Variants in SHISA9 observed in about 807,000 individuals in gnomAD.
SHISA9 encodes protein shisa-9.
A neutral mutation model predicts 38.0 loss-of-function variants in SHISA9; 13 were observed. That is an observed-to-expected ratio of 0.34 (90% CI 0.22 to 0.54). SHISA9 has a LOEUF of 0.54. Ranked by LOEUF, SHISA9 falls within the 20% of genes least tolerant of loss-of-function variation. The pLI is 0.91. For missense variants in SHISA9, 538 were observed against 575.8 expected (o/e 0.93, Z 0.67); for synonymous variants, 275 against 242.0 (o/e 1.14, Z -1.27).
chr16:12,909,738 T>C lies in SHISA9; in HGVS notation c.564-6950T>C, dbSNP rs188998375. On this transcript the variant is annotated intron_variant, in intron 1 of 4. Coordinates refer to ENST00000558583, the MANE Select transcript of SHISA9 (RefSeq NM_001145204.3). ...CCAGCCCATCACCCAGTCAGTGTTATTTGCTTCATTTTTACATTATGGTCT... is the reference window on the plus strand; with the variant it reads ...CCAGCCCATCACCCAGTCAGTGTTACTTGCTTCATTTTTACATTATGGTCT... 239 of 263,830 alleles carry C rather than the reference T, an allele frequency of 9.1e-4. 2 individuals are homozygous for C. The highest frequency in any genetic ancestry group is 5.3e-3 in the African/African-American group (231 of 43,572). 16.3% of individuals were successfully genotyped at this position (263,830 alleles called of 1,614,324 possible). A position where few individuals can be genotyped will look rare whatever the true frequency, so the allele number is the denominator to read the frequency against.
chr16:13,045,969 G>A (rs1444006846), intron 2 of SHISA9, among the ~76,000 whole-genome samples: 1 of 152,170 alleles, frequency 6.6e-6, no homozygotes, highest in East Asian at 1.9e-4. Flanking sequence ...GTTTAAATTT[G>A]TAACTCTCTC....
chr16:13,311,638 G>A, the SHISA9 span, among the ~76,000 whole-genome samples: 1 of 152,120 alleles, frequency 6.6e-6, no homozygotes, highest in Admixed American at 6.5e-5. Context: ...GAGCTGGGAT[G>A]ACATACAATG....
At chr16:13,469,359 A>AAAGG in the SHISA9 span, among the ~76,000 whole-genome samples, 1 of 56,380 alleles carries the variant, frequency 1.8e-5, no homozygotes, top group Non-Finnish European at 3.6e-5. Flanking sequence ...AGAAAGAAAG[A>AAAGG]AAAGAAAAAG....
chr16:12,906,953 A>G (rs547596946), intron 1 of SHISA9, among the ~76,000 whole-genome samples: 1 of 151,576 alleles, frequency 6.6e-6, no homozygotes, highest in East Asian at 2.0e-4. Flanking sequence ...ACTTAGATTG[A>G]ACAATTATTA....
chr16:13,073,038 G>A (rs528927679), intron 2 of SHISA9, among the ~76,000 whole-genome samples: 27 of 152,242 alleles, frequency 1.8e-4, no homozygotes, highest in Admixed American at 5.2e-4. Context: ...TGATCCTCCT[G>A]TCTTGGCCTT....
chr16:13,296,697 C>T, the SHISA9 span, among the ~76,000 whole-genome samples: 1 of 151,756 alleles, frequency 6.6e-6, no homozygotes, highest in Non-Finnish European at 1.5e-5. Flanking sequence ...TCAAGACCAG[C>T]CTGGCCAACA....
the SHISA9 span, among the ~76,000 whole-genome samples, chr16:13,367,388 A>G: frequency 6.7e-6 from 1 of 150,364 alleles, no homozygotes; most frequent in African/African-American, 2.5e-5. Context: ...CTTACCCTGT[A>G]TCAGTCACGT....
the SHISA9 span, among the ~76,000 whole-genome samples, chr16:13,528,039 C>T: frequency 6.6e-6 from 1 of 152,082 alleles, no homozygotes; most frequent in South Asian, 2.1e-4. Flanking sequence ...ATAAAGGATA[C>T]CAATATTTCA....
chr16:13,496,642 A>C, the SHISA9 span, among the ~76,000 whole-genome samples: 1 of 152,088 alleles, frequency 6.6e-6, no homozygotes, highest in Admixed American at 6.5e-5. Context: ...AATGAGCTGG[A>C]AAAAAATTGG....
chr16:13,181,665 T>C (rs907003744), intron 2 of SHISA9, among the ~76,000 whole-genome samples: 1 of 151,300 alleles, frequency 6.6e-6, no homozygotes, highest in Non-Finnish European at 1.5e-5. Context: ...GACTTGTGAG[T>C]GGTTAATGGA....
chr16:12,970,335 A>ATACATATATG (rs1567356751), intron 2 of SHISA9, among the ~76,000 whole-genome samples: 19 of 91,402 alleles, frequency 2.1e-4, no homozygotes, highest in Non-Finnish European at 3.2e-4. Context: ...ACATATATAT[A>ATACATATATG]TATATATACA....
At chr16:12,972,155 A>G (rs1268133976) in intron 2 of SHISA9, among the ~76,000 whole-genome samples, 1 of 152,070 alleles carries the variant, frequency 6.6e-6, no homozygotes, top group Non-Finnish European at 1.5e-5. Context: ...AAAATAAATT[A>G]TGATCATTTC....
At chr16:13,170,588 C>G (rs772436184) in intron 2 of SHISA9, among the ~76,000 whole-genome samples, 3 of 152,178 alleles carry the variant, frequency 2.0e-5, no homozygotes, top group Non-Finnish European at 4.4e-5. Context: ...CCATGGCACA[C>G]GTTTACCTAT....
the SHISA9 span, among the ~76,000 whole-genome samples, chr16:13,385,243 G>GT: frequency 7.9e-3 from 1,204 of 152,300 alleles, 21 homozygotes; most frequent in African/African-American, 0.027. Flanking sequence ...ACAGTTTGGT[G>GT]TTTTTTACAG....
chr16:13,108,368 A>G (rs1020255232), intron 2 of SHISA9, among the ~76,000 whole-genome samples: 1 of 152,154 alleles, frequency 6.6e-6, no homozygotes, highest in African/African-American at 2.4e-5. Context: ...AAGCTCAAGC[A>G]ATCCTCCTGC....
intron 1 of SHISA9, among the ~76,000 whole-genome samples, chr16:12,904,079 C>T (rs893403177): frequency 6.6e-6 from 1 of 152,084 alleles, no homozygotes; most frequent in African/African-American, 2.4e-5. Flanking sequence ...CAAAGAAACC[C>T]TGACCTACTA....
chr16:12,950,929 T>TAA (rs372235612), intron 2 of SHISA9, among the ~76,000 whole-genome samples: 18 of 149,076 alleles, frequency 1.2e-4, no homozygotes, highest in African/African-American at 4.2e-4. Context: ...TTTTTTTTTT[T>TAA]AAATGTGGCT....
At chr16:13,112,708 C>A (rs1017738255) in intron 2 of SHISA9, among the ~76,000 whole-genome samples, 1 of 151,884 alleles carries the variant, frequency 6.6e-6, no homozygotes, top group Non-Finnish European at 1.5e-5. Flanking sequence ...TATTTGGATG[C>A]TTCTCAGTGA....
At chr16:12,908,168 T>A (rs1174880066) in intron 1 of SHISA9, among the ~76,000 whole-genome samples, 1 of 151,522 alleles carries the variant, frequency 6.6e-6, no homozygotes, top group Admixed American at 6.6e-5. Context: ...ATTATTGACA[T>A]TTTTTACCTC....
Sources: allele counts gnomAD v4.1 joint callset (sites outside exome capture counted in the v4.1 genomes callset), GRCh38; gene constraint gnomAD v4.1.1; transcripts MANE v1.5; gene names NCBI Gene and HGNC (gene_info 2026-07-23, HGNC 2026-07-21).